The following TMPRSS11F variants were observed in gnomAD, a reference collection of about 807,000 sequenced individuals.
TMPRSS11F encodes the protein transmembrane serine protease 11F.
A neutral mutation model predicts 60.2 loss-of-function variants in TMPRSS11F; 47 were observed. That is an observed-to-expected ratio of 0.78 (90% CI 0.62 to 1.00). The LOEUF (loss-of-function observed/expected upper bound fraction) is 1.00. Ranked by LOEUF, TMPRSS11F falls within the 50% of genes least tolerant of loss-of-function variation. The pLI is 0.00. For missense variants in TMPRSS11F, 519 were observed against 522.9 expected, an observed-to-expected ratio of 0.99 and a Z score of 0.07; for synonymous variants, 166 against 167.3, an observed-to-expected ratio of 0.99 and a Z score of 0.06.
chr4:68,084,321 C>T (rs1224636107), intron 3 of TMPRSS11F, among the ~76,000 whole-genome samples: 1 of 152,086 alleles, frequency 6.6e-6, no homozygotes, highest in Non-Finnish European at 1.5e-5. Context: ...GCAAAGAACT[C>T]CTACAAGAGG....
intron 9 of TMPRSS11F, among the ~76,000 whole-genome samples, chr4:68,058,212 G>A (rs1372988529): frequency 6.6e-6 from 1 of 152,194 alleles, no homozygotes; most frequent in African/African-American, 2.4e-5. Flanking sequence ...AAATAGCTAA[G>A]AGAGTAAATT....
intron 1 of TMPRSS11F, among the ~76,000 whole-genome samples, chr4:68,119,146 T>G (rs1039208977): frequency 5.3e-5 from 8 of 152,144 alleles, no homozygotes; most frequent in African/African-American, 1.9e-4. Flanking sequence ...ACACAACATG[T>G]GTTAAGGCCA....
intron 5 of TMPRSS11F, 151 bp downstream of exon 5, chr4:68,072,172 A>T: frequency 7.4e-6 from 1 of 135,482 alleles, no homozygotes; most frequent in Non-Finnish European, 1.5e-5. Flanking sequence ...GTGGAATTTT[A>T]TTTTAGTTTT....
At chr4:68,061,319 C>A (rs1723169091) in intron 8 of TMPRSS11F, among the ~76,000 whole-genome samples, 1 of 152,092 alleles carries the variant, frequency 6.6e-6, no homozygotes, top group African/African-American at 2.4e-5. Flanking sequence ...ACTTTCAAGC[C>A]GTATGAGCAA....
At chr4:68,060,136 G>C (rs1430067022) in intron 8 of TMPRSS11F, among the ~76,000 whole-genome samples, 1 of 151,756 alleles carries the variant, frequency 6.6e-6, no homozygotes, top group East Asian at 1.9e-4. Context: ...ACAAAGCCAA[G>C]TTGGATATGC....
chr4:68,091,585 C>T (rs1011268203), intron 2 of TMPRSS11F, among the ~76,000 whole-genome samples: 1 of 151,996 alleles, frequency 6.6e-6, no homozygotes, highest in African/African-American at 2.4e-5. Flanking sequence ...TAATCATTTA[C>T]TCCCTTATTT....
chr4:68,100,795 C>A (rs571317513), intron 1 of TMPRSS11F, among the ~76,000 whole-genome samples: 1 of 151,928 alleles, frequency 6.6e-6, no homozygotes, highest in South Asian at 2.1e-4. Context: ...TTATATGATT[C>A]TAATAAAGCA....
At chr4:68,115,002 A>G in intron 1 of TMPRSS11F, among the ~76,000 whole-genome samples, 2 of 150,310 alleles carry the variant, frequency 1.3e-5, no homozygotes, top group South Asian at 4.2e-4. Flanking sequence ...AAAAAAAAAA[A>G]AAAAAAAAAA....
chr4:68,124,982 A>T, intron 1 of TMPRSS11F, among the ~76,000 whole-genome samples: 1 of 142,118 alleles, frequency 7.0e-6, no homozygotes, highest in African/African-American at 2.6e-5. Context: ...AGTACAAAAG[A>T]CTTTTCAATC....
At chr4:68,077,906 G>A (rs1016046439) in intron 3 of TMPRSS11F, among the ~76,000 whole-genome samples, 3 of 152,156 alleles carry the variant, frequency 2.0e-5, no homozygotes, top group Non-Finnish European at 2.9e-5. Context: ...CAGACTCCAC[G>A]CCATCCCAGA....
At chr4:68,057,477 G>T (rs1191950390) in intron 9 of TMPRSS11F, among the ~76,000 whole-genome samples, 1 of 151,930 alleles carries the variant, frequency 6.6e-6, no homozygotes, top group Non-Finnish European at 1.5e-5. Context: ...AAAAACTCAG[G>T]CAACAAAAGC....
At chr4:68,116,872 T>G (rs1363392406) in intron 1 of TMPRSS11F, among the ~76,000 whole-genome samples, 2 of 152,054 alleles carry the variant, frequency 1.3e-5, no homozygotes, top group Non-Finnish European at 2.9e-5. Context: ...AATATAAAAC[T>G]GAAACATTAA....
chr4:68,100,159 T>C (rs1724161064), intron 1 of TMPRSS11F, among the ~76,000 whole-genome samples: 1 of 152,082 alleles, frequency 6.6e-6, no homozygotes, highest in Admixed American at 6.6e-5. Context: ...ATGACTTTTG[T>C]CCTCTAAGAA....
intron 8 of TMPRSS11F, among the ~76,000 whole-genome samples, chr4:68,060,323 C>T (rs1158195682): frequency 4.0e-5 from 6 of 148,262 alleles, no homozygotes; most frequent in African/African-American, 1.0e-4. Flanking sequence ...CTGACTAACA[C>T]GGTGAAACCC....
At chr4:68,104,616 C>T (rs1354284776) in intron 1 of TMPRSS11F, among the ~76,000 whole-genome samples, 2 of 152,182 alleles carry the variant, frequency 1.3e-5, no homozygotes, top group Non-Finnish European at 2.9e-5. Context: ...GAGTCAATTA[C>T]ACCTCTTCCC....
chr4:68,096,692 C>T (rs1724082734), intron 2 of TMPRSS11F, among the ~76,000 whole-genome samples: 1 of 152,132 alleles, frequency 6.6e-6, no homozygotes, highest in Non-Finnish European at 1.5e-5. Flanking sequence ...AATTATAATG[C>T]ACTGAAAGCC....
chr4:68,065,352 G>A lies in TMPRSS11F; in HGVS notation c.756-408C>T, dbSNP rs111255328. On this transcript the variant is annotated intron_variant, in intron 7 of 9. Transcript: ENST00000356291. ...TTATTTTACTGGTTTTACTGTGATC[G>A]TTGAAGTGAAGCGTAATTTGTCTGC... Among the ~76,000 whole-genome samples the A allele has an allele frequency of 5.1e-3, 776 of 152,172 alleles. 9 individuals carry two copies. Among genetic ancestry groups the A allele is most frequent in the African/African-American group, 0.018 (752 of 41,510 alleles).
At chr4:68,102,827 CT>C (rs1197600984) in intron 1 of TMPRSS11F, among the ~76,000 whole-genome samples, 6 of 151,836 alleles carry the variant, frequency 4.0e-5, no homozygotes, top group African/African-American at 9.7e-5. Context: ...TGATGTTGTT[CT>C]GCTTATTTAT....
At chr4:68,081,477 T>C (rs745323925) in intron 3 of TMPRSS11F, among the ~76,000 whole-genome samples, 1 of 152,216 alleles carries the variant, frequency 6.6e-6, no homozygotes, top group African/African-American at 2.4e-5. Context: ...TTAGCAGAAG[T>C]ACATTAATTA....
Sources: allele counts gnomAD v4.1 joint callset (sites outside exome capture counted in the v4.1 genomes callset), GRCh38; gene constraint gnomAD v4.1.1; transcripts MANE v1.5; gene names NCBI Gene and HGNC (gene_info 2026-07-23, HGNC 2026-07-21).